Variants in LYPLAL1 observed in about 807,000 individuals in gnomAD.
LYPLAL1 encodes lysophospholipase-like protein 1.
In LYPLAL1, 23 loss-of-function variants were observed where a neutral mutation model predicts 19.7. The ratio of observed to expected loss-of-function variants is 1.17; its 90% confidence interval spans 0.84 to 1.65. The LOEUF (loss-of-function observed/expected upper bound fraction) is 1.65. Ranked by LOEUF, LYPLAL1 falls within the 40% of genes most tolerant of loss-of-function variation. LYPLAL1 has a pLI of 0.00. For synonymous variants in LYPLAL1, 119 were observed against 96.3 expected, an observed-to-expected ratio of 1.24 and a Z score of -1.38; for missense variants, 355 against 279.4, an observed-to-expected ratio of 1.27 and a Z score of -1.93.
At chr1:219,394,397 A>C in the LYPLAL1 span, among the ~76,000 whole-genome samples, 2 of 152,168 alleles carry the variant, frequency 1.3e-5, no homozygotes, top group African/African-American at 4.8e-5. Context: ...AAAGAGATTC[A>C]CATGGTTATG....
At chr1:219,187,800 CCT>C (rs1367279902) in intron 2 of LYPLAL1, among the ~76,000 whole-genome samples, 1 of 151,584 alleles carries the variant, frequency 6.6e-6, no homozygotes, top group Non-Finnish European at 1.5e-5. Flanking sequence ...GTAGGAGAGC[CCT>C]CTCCTGATAA....
At chr1:219,286,121 C>T in the LYPLAL1 span, among the ~76,000 whole-genome samples, 1 of 152,118 alleles carries the variant, frequency 6.6e-6, no homozygotes, top group Non-Finnish European at 1.5e-5. Context: ...GGTACTGGCC[C>T]TCTAGAGTTC....
the LYPLAL1 span, among the ~76,000 whole-genome samples, chr1:219,265,686 G>A: frequency 6.6e-6 from 1 of 152,064 alleles, no homozygotes; most frequent in Admixed American, 6.6e-5. Context: ...TATTGTAATT[G>A]TGCAAACATC....
At chr1:219,343,534 C>T in the LYPLAL1 span, among the ~76,000 whole-genome samples, 2 of 152,092 alleles carry the variant, frequency 1.3e-5, no homozygotes, top group African/African-American at 4.8e-5. Flanking sequence ...GGTAATAGCT[C>T]AATTATTTTT....
At chr1:219,192,326 A>T (rs922417393) in intron 2 of LYPLAL1, among the ~76,000 whole-genome samples, 1 of 151,644 alleles carries the variant, frequency 6.6e-6, no homozygotes, top group Admixed American at 6.6e-5. Flanking sequence ...TAAATTTGAG[A>T]TGGCAAAGTA....
At chr1:219,378,470 G>A in the LYPLAL1 span, among the ~76,000 whole-genome samples, 2 of 152,116 alleles carry the variant, frequency 1.3e-5, no homozygotes, top group Admixed American at 6.6e-5. Context: ...TGGGGATTAT[G>A]GGAACTACAA....
the LYPLAL1 span, among the ~76,000 whole-genome samples, chr1:219,274,881 A>G: frequency 1.3e-5 from 2 of 152,176 alleles, no homozygotes; most frequent in Non-Finnish European, 2.9e-5. Flanking sequence ...GGCTTTGAGA[A>G]GTGATTTTAC....
the LYPLAL1 span, among the ~76,000 whole-genome samples, chr1:219,229,224 C>A: frequency 2.7e-5 from 4 of 149,770 alleles, no homozygotes; most frequent in Non-Finnish European, 5.9e-5. Context: ...TTAAATGATA[C>A]GGAAGCGGGG....
chr1:219,400,512 T>C, the LYPLAL1 span, among the ~76,000 whole-genome samples: 1 of 151,928 alleles, frequency 6.6e-6, no homozygotes, highest in Admixed American at 6.6e-5. Flanking sequence ...TTTTTTTTTT[T>C]TGAGACAGAG....
chr1:219,402,986 A>G, the LYPLAL1 span, among the ~76,000 whole-genome samples: 11 of 152,216 alleles, frequency 7.2e-5, no homozygotes, highest in Admixed American at 6.5e-4. Context: ...TTTGAAACCC[A>G]GAGAATTACT....
chr1:219,205,454 A>C (rs1251037589), intron 3 of LYPLAL1, among the ~76,000 whole-genome samples: 1 of 152,112 alleles, frequency 6.6e-6, no homozygotes, highest in African/African-American at 2.4e-5. Flanking sequence ...CTGTAGAAAG[A>C]CTTTCAAATT....
rs1558235948 is a variant in LYPLAL1, at chr1:219,198,601, T to G, written c.361+5350T>G. On this transcript the variant is annotated intron_variant, in intron 3 of 4. Transcript: ENST00000366928. The stretch of plus-strand genomic sequence containing the variant: ...TTTCTTTTGGGTTCTTCCAGAATAA[T>G]TTTTTCTTATTCTTTACCTTAATTT... 3 of 152,184 alleles carry G rather than the reference T, an allele frequency of 2.0e-5. 1 individual carries two copies. The South Asian group carries it at 6.2e-4, about 31-fold the overall frequency. 9.4% of individuals were successfully genotyped at this position (152,184 alleles called of 1,614,324 possible).
chr1:219,240,396 A>C, the LYPLAL1 span, among the ~76,000 whole-genome samples: 1 of 152,206 alleles, frequency 6.6e-6, no homozygotes, highest in African/African-American at 2.4e-5. Flanking sequence ...TAATTTTGGA[A>C]GATTTTCTAC....
At chr1:219,199,019 AATG>A (rs1377311432) in intron 3 of LYPLAL1, among the ~76,000 whole-genome samples, 1 of 152,172 alleles carries the variant, frequency 6.6e-6, no homozygotes, top group Non-Finnish European at 1.5e-5. Flanking sequence ...TGAACATATG[AATG>A]ATGATTTAAT....
the LYPLAL1 span, among the ~76,000 whole-genome samples, chr1:219,313,889 T>TGTA: frequency 6.6e-6 from 1 of 152,174 alleles, no homozygotes; most frequent in Non-Finnish European, 1.5e-5. Context: ...AAATTGAGTG[T>TGTA]CACAGGGGTT....
chr1:219,221,796 T>C, the LYPLAL1 span, among the ~76,000 whole-genome samples: 1 of 152,194 alleles, frequency 6.6e-6, no homozygotes, highest in African/African-American at 2.4e-5. Context: ...CTGTTTCCAA[T>C]CAGTAAAATC....
the LYPLAL1 span, among the ~76,000 whole-genome samples, chr1:219,434,348 A>C: frequency 8.5e-5 from 13 of 152,234 alleles, no homozygotes; most frequent in African/African-American, 3.1e-4. Flanking sequence ...GAGAATCTAT[A>C]GTTAAATGCT....
At chr1:219,438,428 AT>A in the LYPLAL1 span, among the ~76,000 whole-genome samples, 1 of 152,142 alleles carries the variant, frequency 6.6e-6, no homozygotes. Flanking sequence ...AATATTTTGC[AT>A]TTTGTTCCTC....
chr1:219,418,661 C>T, the LYPLAL1 span, among the ~76,000 whole-genome samples: 1 of 152,166 alleles, frequency 6.6e-6, no homozygotes, highest in Non-Finnish European at 1.5e-5. Flanking sequence ...ACCCAAAATC[C>T]ACAGTTTACA....
Sources: allele counts gnomAD v4.1 joint callset (sites outside exome capture counted in the v4.1 genomes callset), GRCh38; gene constraint gnomAD v4.1.1; transcripts MANE v1.5; gene names NCBI Gene and HGNC (gene_info 2026-07-23, HGNC 2026-07-21).